The following CETP variants were observed in gnomAD, a reference collection of about 807,000 sequenced individuals.
CETP encodes the protein cholesteryl ester transfer protein.
Under a neutral mutation model 66.5 loss-of-function variants are expected in CETP, and 56 were observed. The observed-to-expected ratio is 0.84, with a 90% CI of 0.68 to 1.05. CETP has a LOEUF of 1.05. Ranked by LOEUF, CETP falls within the 50% of genes least tolerant of loss-of-function variation. CETP has a pLI of 0.00. For synonymous variants in CETP, 251 were observed against 245.7 expected, an observed-to-expected ratio of 1.02 and a Z score of -0.20; for missense variants, 612 against 609.6, an observed-to-expected ratio of 1.00 and a Z score of -0.04.
In CETP at chr16:56,966,972, C is replaced by T. The variant is rs1006713826; in HGVS notation, c.234-2414C>T. 5.9e-5 allele frequency among the ~76,000 whole-genome samples: 9 copies of T among 151,992 alleles called. No homozygotes were observed. The South Asian group carries it at 1.5e-3, about 25-fold the overall frequency. On this transcript the variant is annotated intron_variant, in intron 2 of 15. Coordinates refer to ENST00000200676, the MANE Select transcript of CETP (RefSeq NM_000078.3). The stretch of plus-strand genomic sequence containing the variant: ...CAGGTAGTGTTTATTGTATTCTGTG[C>T]GGAGGTCAAGAATTTAGTCATCCAA...
chr16:56,969,816 G>C (rs34847858), intron 4 of CETP, 98 bp from the exon 5 acceptor site: 41 of 1,535,434 alleles, frequency 2.7e-5, no homozygotes, highest in Non-Finnish European at 3.6e-5. Flanking sequence ...CAGGGGTGGG[G>C]ACCCCAGAGC....
intron 9 of CETP, among the ~76,000 whole-genome samples, chr16:56,974,845 C>T (rs1203260276): frequency 6.6e-6 from 1 of 152,162 alleles, no homozygotes; most frequent in Non-Finnish European, 1.5e-5. Context: ...AACTGAGGCC[C>T]ACAGAGGGGA....
Position 56,978,123 on chromosome 16 carries a change from C to T in CETP, c.1014C>T (p.Val338=). 3.7e-6 allele frequency: 6 copies of T among 1,614,272 alleles called. No individual in the cohort carries two copies. Among genetic ancestry groups the T allele is most frequent in the Non-Finnish European group, 5.1e-6 (6 of 1,180,046 alleles). ...VVGGFPSQAQ[V]TVHCLKMPKI... is the part of the protein sequence containing the mutation. ...GCGGCTTCCCCAGCCAGGCCCAAGT[C>T]ACCGTCCACTGCCTCAAGATGCCCA... Residue 338 remains valine (V), a synonymous_variant, in exon 11 of 16, where the codon GTC becomes GTT. Transcript: ENST00000200676.
At chr16:56,975,796 G>C (rs1483516887) in intron 10 of CETP, among the ~76,000 whole-genome samples, 1 of 151,608 alleles carries the variant, frequency 6.6e-6, no homozygotes, top group African/African-American at 2.4e-5. Flanking sequence ...CAAATCTCCA[G>C]CTGCCCCCTC....
chr16:56,963,159 TA>T, intron 2 of CETP, 35 bp downstream of exon 2: 1 of 1,562,648 alleles, frequency 6.4e-7, no homozygotes, highest in African/African-American at 1.4e-5. Context: ...AGGCTGGGGG[TA>T]GGGAGGCGGG....
chr16:56,964,766 G>A (rs1337324991), intron 2 of CETP, among the ~76,000 whole-genome samples: 1 of 152,242 alleles, frequency 6.6e-6, no homozygotes, highest in Non-Finnish European at 1.5e-5. Context: ...GCCGCTAGCG[G>A]GTGCTGTGGG....
chr16:56,981,148 C>T lies in CETP; in HGVS notation c.1147-10C>T. The T allele has an allele frequency of 1.2e-6, 2 of 1,611,212 alleles. No homozygotes were observed. The highest frequency in any genetic ancestry group is 1.7e-6 in the Non-Finnish European group (2 of 1,177,470). On this transcript the variant is annotated splice_polypyrimidine_tract_variant and intron_variant, in intron 11 of 15. Transcript: ENST00000200676. ...CCCTGGCTCACAGCAAATTTGGTTTCTCTCCCCAGGATATCGTGACTACCG... is the reference window on the plus strand; with the variant it reads ...CCCTGGCTCACAGCAAATTTGGTTTTTCTCCCCAGGATATCGTGACTACCG...
intron 12 of CETP, 117 bp from the exon 13 acceptor site, chr16:56,981,530 A>G: frequency 8.0e-7 from 1 of 1,254,728 alleles, no homozygotes; most frequent in Non-Finnish European, 1.2e-6. Context: ...GAGTGCCCCA[A>G]AGGGCCTGAG....
At chr16:56,975,182 A>C in intron 10 of CETP, 31 bp downstream of exon 10, 4 of 1,604,854 alleles carry the variant, frequency 2.5e-6, no homozygotes, top group African/African-American at 1.3e-5. Flanking sequence ...TGTGGGGTTT[A>C]TCTCACGTAC....
In CETP at chr16:56,975,133, C is replaced by A. The variant is rs1209112476; in HGVS notation, c.963C>A (p.Asn321Lys). The A allele has an allele frequency of 6.2e-7, 1 of 1,614,170 alleles. No individual in the cohort carries two copies. Among genetic ancestry groups the A allele is most frequent in the South Asian group, 1.1e-5 (1 of 91,078 alleles). The change falls in exon 10 of 16, where the codon AAC (asparagine) becomes AAA (lysine). Residue 321 changes from asparagine (N) to lysine (K), a missense_variant. By Grantham distance (94) the Asn-to-Lys change is moderately conservative. Coordinates refer to ENST00000200676, the MANE Select transcript of CETP (RefSeq NM_000078.3). ...TGGAGACCTGGGGCTTCAACACCAACCAGGAAATCTTCCAAGAGGTAACTG... is the reference window on the plus strand; with the variant it reads ...TGGAGACCTGGGGCTTCAACACCAAACAGGAAATCTTCCAAGAGGTAACTG... ...AVLETWGFNT[N>K]QEIFQEVVGG...
chr16:56,964,422 C>T (rs1040751043), intron 2 of CETP, among the ~76,000 whole-genome samples: 2 of 152,142 alleles, frequency 1.3e-5, no homozygotes, highest in African/African-American at 4.8e-5. Flanking sequence ...AAACAGGAGC[C>T]GATAGAGGTT....
In CETP at chr16:56,963,121, A is replaced by T; in HGVS notation, c.230A>T (p.His77Leu). Reference sequence around the variant, plus strand: ...CTTGGCCAAGTCAAGTATGGGTTGCACAAGTGAGTCGGGCCTCGGGTGTGA... The same window carrying T: ...CTTGGCCAAGTCAAGTATGGGTTGCTCAAGTGAGTCGGGCCTCGGGTGTGA... ...MLLGQVKYGLHNIQISHLSIA... is the reference protein window; with the variant it reads ...MLLGQVKYGLLNIQISHLSIA... The change falls in exon 2 of 16, where the codon CAC (histidine) becomes CTC (leucine). Residue 77 changes from histidine (H) to leucine (L), a missense_variant. Transcript: ENST00000200676. 1 of 1,613,580 alleles carries T rather than the reference A, an allele frequency of 6.2e-7. No homozygotes were observed. The highest frequency in any genetic ancestry group is 2.2e-5 in the East Asian group (1 of 44,872).
chr16:56,971,941 C>T, intron 7 of CETP, 51 bp from the exon 8 acceptor site: 1 of 1,509,494 alleles, frequency 6.6e-7, no homozygotes, highest in Non-Finnish European at 9.2e-7. Flanking sequence ...AGCGGTGACT[C>T]AGGGCAATTC....
chr16:56,983,647 T>C lies in CETP; in HGVS notation c.1463T>C (p.Phe488Ser). The change falls in exon 16 of 16, where the codon TTC becomes TCC. Residue 488 changes from phenylalanine to serine, a missense_variant. Transcript: ENST00000200676. ...FGFPEHLLVD[F>S]LQSLS ...TTCCCTGAGCACCTGCTGGTGGATT[T>C]CCTCCAGAGCTTGAGCTAGAAGTCT... 1 of 1,614,176 alleles carries C rather than the reference T, an allele frequency of 6.2e-7. No individual in the cohort carries two copies. Among genetic ancestry groups the C allele is most frequent in the Non-Finnish European group, 8.5e-7 (1 of 1,180,020 alleles).
chr16:56,967,096 C>T (rs2056072654), intron 2 of CETP, among the ~76,000 whole-genome samples: 1 of 151,884 alleles, frequency 6.6e-6, no homozygotes, highest in Admixed American at 6.6e-5. Context: ...ACCTATAATC[C>T]CAGCACTTTG....
intron 5 of CETP, 80 bp downstream of exon 5, chr16:56,970,081 C>A: frequency 1.5e-6 from 2 of 1,360,652 alleles, no homozygotes; most frequent in South Asian, 1.2e-5. Flanking sequence ...CAGGCTCAAC[C>A]CCACACAGGG....
intron 1 of CETP, 144 bp downstream of exon 1, chr16:56,962,241 C>T: frequency 1.3e-6 from 1 of 781,482 alleles, no homozygotes; most frequent in Non-Finnish European, 2.3e-6. Flanking sequence ...GGGAGATGGG[C>T]TGAGTGGAGC....
rs750141703 is a variant in CETP at position 56,972,061 on chromosome 16, C to T, written c.728C>T (p.Ser243Phe). The T allele has an allele frequency of 1.2e-6, 2 of 1,614,016 alleles. No homozygotes were observed. The highest frequency in any genetic ancestry group is 1.3e-5 in the African/African-American group (1 of 74,924). Residue 243 changes from serine (S) to phenylalanine (F), a missense_variant, in exon 8 of 16, where the codon TCC becomes TTC. By Grantham distance (155) the Ser-to-Phe change is radical. Transcript: ENST00000200676. ...ACAGGTGATCCCGTCATCACAGCCT[C>T]CTACCTGGAGTCCCATCACAAGGTA... ...SLTGDPVITA[S>F]YLESHHKGHF...
At chr16:56,971,539 G>T (rs1016709858) in intron 7 of CETP, among the ~76,000 whole-genome samples, 158 bp downstream of exon 7, 46 of 152,200 alleles carry the variant, frequency 3.0e-4, no homozygotes, top group Non-Finnish European at 5.4e-4. Context: ...GCATACTTTG[G>T]CAAATCTCTG....
Sources: allele counts gnomAD v4.1 joint callset (sites outside exome capture counted in the v4.1 genomes callset), GRCh38; gene constraint gnomAD v4.1.1; transcripts MANE v1.5; gene names NCBI Gene and HGNC (gene_info 2026-07-23, HGNC 2026-07-21).